The following DOCK1 variants were observed in gnomAD, a reference collection of about 807,000 sequenced individuals.
DOCK1 encodes dedicator of cytokinesis 1.
DOCK1 carries 138 observed loss-of-function variants against 262.7 expected under a neutral mutation model. The observed-to-expected ratio is 0.53, with a 90% CI of 0.46 to 0.61. DOCK1 has a LOEUF of 0.61. Ranked by LOEUF, DOCK1 falls within the 20% of genes least tolerant of loss-of-function variation. The pLI is 0.00. For synonymous variants in DOCK1, 866 were observed against 867.4 expected (o/e 1.00, Z 0.03); for missense variants, 1,908 against 2,370.7 (o/e 0.80, Z 4.05).
At chr10:126,915,939 C>T (rs1310877982) in intron 1 of DOCK1, among the ~76,000 whole-genome samples, 1 of 152,128 alleles carries the variant, frequency 6.6e-6, no homozygotes, top group Non-Finnish European at 1.5e-5. Context: ...AGAATGGAAT[C>T]TCTATATTCT....
At chr10:127,332,254 G>A (rs1378562548) in intron 29 of DOCK1, among the ~76,000 whole-genome samples, 1 of 152,192 alleles carries the variant, frequency 6.6e-6, no homozygotes, top group Non-Finnish European at 1.5e-5. Context: ...ATTCTTGTTG[G>A]CATCACAGCC....
At chr10:127,414,410 T>C (rs55767955) in intron 43 of DOCK1, among the ~76,000 whole-genome samples, 16,166 of 152,278 alleles carry the variant, frequency 0.11, 876 homozygotes, top group South Asian at 0.16. Context: ...TGTGCAATCC[T>C]TAAAGAGTAG....
At chr10:127,213,139 G>T (rs533892330) in intron 27 of DOCK1, among the ~76,000 whole-genome samples, 1 of 152,138 alleles carries the variant, frequency 6.6e-6, no homozygotes. Context: ...TATATGCATA[G>T]ATATTTCTTT....
intron 51 of DOCK1, among the ~76,000 whole-genome samples, chr10:127,448,685 G>A (rs1008325756): frequency 3.3e-5 from 5 of 152,086 alleles, no homozygotes; most frequent in Admixed American, 6.6e-5. Context: ...ACAGCTGGCC[G>A]TATTTTTTTT....
At chr10:127,174,887 T>C (rs1217767813) in intron 27 of DOCK1, among the ~76,000 whole-genome samples, 1 of 152,236 alleles carries the variant, frequency 6.6e-6, no homozygotes, top group Non-Finnish European at 1.5e-5. Flanking sequence ...GACTGGCATA[T>C]GTTGTTATAC....
chr10:126,930,903 T>C (rs908172541), intron 1 of DOCK1, among the ~76,000 whole-genome samples: 1 of 152,122 alleles, frequency 6.6e-6, no homozygotes, highest in Non-Finnish European at 1.5e-5. Context: ...TTTGAGATGC[T>C]TGACCTGAGG....
Position 126,998,114 on chromosome 10 carries a change from T to A in DOCK1, c.632T>A (p.Ile211Asn). The A allele has an allele frequency of 6.2e-7, 1 of 1,614,052 alleles. No individual in the cohort carries two copies. The highest frequency in any genetic ancestry group is 2.2e-5 in the East Asian group (1 of 44,890). ...EEKSQKQNID[I>N]NRQAKFAATP... ...CAGTCTCAAAAGCAGAACATAGATA[T>A]TAACAGACAAGCCAAGTTTGCTGCA... Residue 211 changes from isoleucine (I) to asparagine (N), a missense_variant, in exon 8 of 52, where the codon ATT becomes AAT. Around this residue, in one of 9 missense-constraint regions of DOCK1, gnomAD observed 227 missense variants for 254.1 expected, o/e 0.89. Transcript: ENST00000623213.
rs1182009900 is a variant in DOCK1, at chr10:126,995,415, G to C, written c.474-1333G>C. On this transcript the variant is annotated intron_variant, in intron 6 of 51. Transcript: ENST00000623213. This position sits in a 1 kb window ranked among gnomAD's most constrained non-coding sequence, Gnocchi z 5.8. Reference sequence around the variant, plus strand: ...GCACCTCGGGAGGCTGAGGCTGGCAGATCACTCACGGTCAGGAGCTGGAGA... The same window carrying C: ...GCACCTCGGGAGGCTGAGGCTGGCACATCACTCACGGTCAGGAGCTGGAGA... Among the ~76,000 whole-genome samples the C allele has an allele frequency of 2.0e-5, 3 of 152,214 alleles. No homozygotes were observed. Among genetic ancestry groups the C allele is most frequent in the Non-Finnish European group, 4.4e-5 (3 of 68,038 alleles).
At position 127,068,709 on chromosome 10, in the gene DOCK1, C is replaced by CTA. The variant is rs530506249; in HGVS notation, c.2445+6942_2445+6943dup. 2.0e-3 allele frequency among the ~76,000 whole-genome samples: 310 copies of CTA among 152,142 alleles called. 1 individual carries two copies. The highest frequency in any genetic ancestry group is 3.6e-3 in the Non-Finnish European group (242 of 67,990). On this transcript the variant is annotated intron_variant, in intron 23 of 51. Transcript: ENST00000623213. Reference sequence around the variant, plus strand: ...CTCTTTTTGCTTATTTAGCATTATCCTATATATATACACACACATATGTAT... The same window carrying CTA: ...CTCTTTTTGCTTATTTAGCATTATCCTATATATATATACACACACATATGTAT...
chr10:127,386,113 A>G (rs1476723854), intron 38 of DOCK1, among the ~76,000 whole-genome samples: 5 of 152,166 alleles, frequency 3.3e-5, no homozygotes, highest in African/African-American at 1.2e-4. Flanking sequence ...ATTGAAAACA[A>G]TGACTCGACA....
chr10:126,983,174 T>TC, intron 4 of DOCK1, among the ~76,000 whole-genome samples: 1 of 152,306 alleles, frequency 6.6e-6, no homozygotes, highest in East Asian at 1.9e-4. Context: ...AGAAACAATT[T>TC]CCCTGCCTTT....
At chr10:127,132,379 A>G (rs1377553008) in intron 27 of DOCK1, among the ~76,000 whole-genome samples, 2 of 152,244 alleles carry the variant, frequency 1.3e-5, no homozygotes, top group Non-Finnish European at 2.9e-5. Flanking sequence ...TACCTAGCAC[A>G]TGCCCAGAGA....
At chr10:126,963,632 T>C (rs1453079056) in intron 1 of DOCK1, among the ~76,000 whole-genome samples, 15,249 of 59,672 alleles carry the variant, frequency 0.26, 2,386 homozygotes, top group Middle Eastern at 0.41. Flanking sequence ...TCCCTTCCCT[T>C]CCCTTCCCTC....
At chr10:127,131,363 T>G (rs1430073270) in intron 27 of DOCK1, among the ~76,000 whole-genome samples, 3 of 152,070 alleles carry the variant, frequency 2.0e-5, no homozygotes, top group Non-Finnish European at 4.4e-5. Context: ...ATCTCTAAGA[T>G]CTGTAAAGAA....
intron 22 of DOCK1, among the ~76,000 whole-genome samples, chr10:127,060,319 T>TTCCATCATTTTAATTGTTTGG (rs1264795246): frequency 3.3e-5 from 5 of 152,144 alleles, no homozygotes; most frequent in African/African-American, 1.2e-4. Context: ...AAGTTCATGA[T>TTCCATCATTTTAATTGTTTGG]TCCATCATTT....
chr10:127,423,042 T>G (rs1362876747), intron 46 of DOCK1, among the ~76,000 whole-genome samples: 4 of 152,186 alleles, frequency 2.6e-5, no homozygotes, highest in African/African-American at 9.7e-5. Flanking sequence ...AGTTTTCTAG[T>G]AACTTCATTA....
intron 2 of DOCK1, among the ~76,000 whole-genome samples, chr10:126,972,652 G>A (rs1271913550): frequency 6.6e-6 from 1 of 152,004 alleles, no homozygotes; most frequent in Non-Finnish European, 1.5e-5. Context: ...ACTTTACAAG[G>A]AATGAAGTAT....
At chr10:127,092,382 GC>G (rs931072876) in intron 23 of DOCK1, among the ~76,000 whole-genome samples, 11 of 152,194 alleles carry the variant, frequency 7.2e-5, no homozygotes, top group African/African-American at 2.4e-4. Flanking sequence ...CCCACCACGG[GC>G]CTGGCACTGG....
At chr10:127,383,686 G>A (rs2065943908) in intron 37 of DOCK1, among the ~76,000 whole-genome samples, 1 of 152,170 alleles carries the variant, frequency 6.6e-6, no homozygotes, top group African/African-American at 2.4e-5. Flanking sequence ...GCAGCTGACG[G>A]AGCCTTGCCC....
Sources: allele counts gnomAD v4.1 joint callset (sites outside exome capture counted in the v4.1 genomes callset), GRCh38; gene constraint gnomAD v4.1.1; regional missense constraint gnomAD v4.1.1; non-coding constraint Gnocchi (gnomAD v3.1); transcripts MANE v1.5; gene names NCBI Gene and HGNC (gene_info 2026-07-23, HGNC 2026-07-21).